SHISA5: variants seen among roughly 807,000 people sequenced by gnomAD.
SHISA5 encodes the protein protein shisa-5.
A neutral mutation model predicts 27.5 loss-of-function variants in SHISA5; 21 were observed. The observed-to-expected ratio is 0.76, with a 90% CI of 0.54 to 1.10. The LOEUF is 1.10. Among genes scored for constraint, SHISA5 ranks in the 50% least tolerant of loss-of-function variants. SHISA5 has a pLI of 0.00. For synonymous variants in SHISA5, 137 were observed against 142.2 expected, an observed-to-expected ratio of 0.96 and a Z score of 0.26; for missense variants, 314 against 336.3, an observed-to-expected ratio of 0.93 and a Z score of 0.52.
At chr3:48,498,846 C>T (rs111563572) in intron 2 of SHISA5, among the ~76,000 whole-genome samples, 2 of 151,942 alleles carry the variant, frequency 1.3e-5, no homozygotes, top group African/African-American at 4.8e-5. Flanking sequence ...CTTTGGGAGG[C>T]CGAGGCAGGA....
intron 2 of SHISA5, among the ~76,000 whole-genome samples, chr3:48,479,836 C>T (rs1575313491): frequency 6.6e-6 from 1 of 152,092 alleles, no homozygotes; most frequent in East Asian, 1.9e-4. Context: ...CGTGATCTGC[C>T]CGCCTTGGCC....
intron 3 of SHISA5, among the ~76,000 whole-genome samples, chr3:48,478,010 G>A (rs1403259825): frequency 6.6e-6 from 1 of 152,114 alleles, no homozygotes; most frequent in Non-Finnish European, 1.5e-5. Context: ...ACTCCATTCG[G>A]TCCCCAGCGC....
Position 48,469,780 on chromosome 3 carries a change from G to C in SHISA5, c.378C>G (p.Ile126Met). Residue 126 changes from isoleucine (I) to methionine (M), a missense_variant, in exon 4 of 6, where the codon ATC becomes ATG. By Grantham distance (10) the Ile-to-Met change is conservative. Coordinates refer to ENST00000296444, the MANE Select transcript of SHISA5 (RefSeq NM_016479.6). This position sits in a 1 kb window ranked among gnomAD's most constrained non-coding sequence, Gnocchi z 4.6. The part of the protein sequence containing the change: ...IFVLSVVTII[I>M]CFTCSCCCLY... ...GGCAGCAGCAGGAGCAGGTGAAGCAGATGATGATAGTGACGACAGACAGCA... is the reference window on the plus strand; with the variant it reads ...GGCAGCAGCAGGAGCAGGTGAAGCACATGATGATAGTGACGACAGACAGCA... 1 of 1,614,136 alleles carries C rather than the reference G, an allele frequency of 6.2e-7. No homozygotes were observed. The highest frequency in any genetic ancestry group is 2.2e-5 in the East Asian group (1 of 44,882).
intron 2 of SHISA5, among the ~76,000 whole-genome samples, chr3:48,483,042 G>A (rs972644714): frequency 2.0e-5 from 3 of 151,582 alleles, no homozygotes; most frequent in East Asian, 1.9e-4. Context: ...CTCCCACCTC[G>A]GCCTCCCAAG....
At chr3:48,474,435 C>T (rs1575307437) in intron 3 of SHISA5, among the ~76,000 whole-genome samples, 1 of 151,772 alleles carries the variant, frequency 6.6e-6, no homozygotes, top group Admixed American at 6.6e-5. Flanking sequence ...TCCCCGGGTT[C>T]AAGTGATTCT....
At chr3:48,480,028 C>T (rs747189783) in intron 2 of SHISA5, among the ~76,000 whole-genome samples, 1 of 152,044 alleles carries the variant, frequency 6.6e-6, no homozygotes, top group East Asian at 1.9e-4. Flanking sequence ...CTCAGCCTCC[C>T]GAGTAGCTGG....
In SHISA5 at chr3:48,473,201, C is replaced by T. The variant is rs1157361884; in HGVS notation, c.315-3358G>A. On this transcript the variant is annotated intron_variant, in intron 3 of 5. Transcript: ENST00000296444. This position sits in a 1 kb window ranked among gnomAD's most constrained non-coding sequence, Gnocchi z 4.3. ...CCACCCTCTTAAAGACACAGGATGGCCCCGCCCAGCAGCCGGCTAGCAGCC... is the reference window on the plus strand; with the variant it reads ...CCACCCTCTTAAAGACACAGGATGGTCCCGCCCAGCAGCCGGCTAGCAGCC... 7.0e-7 allele frequency: 1 copy of T among 1,429,126 alleles called. No homozygotes were observed. Among genetic ancestry groups the T allele is most frequent in the Middle Eastern group, 2.4e-4 (1 of 4,132 alleles). The allele number at this position is 1,429,126 out of a possible 1,614,324, so 88.5% of individuals were successfully genotyped here.
chr3:48,476,359 A>G (rs2040826174), intron 3 of SHISA5, among the ~76,000 whole-genome samples: 1 of 151,694 alleles, frequency 6.6e-6, no homozygotes, highest in Non-Finnish European at 1.5e-5. Context: ...AAAAAAAAAA[A>G]AAGTAGCCCA....
chr3:48,479,293 G>A (rs1404404726), intron 2 of SHISA5, 36 bp from the exon 3 acceptor site: 2 of 1,568,924 alleles, frequency 1.3e-6, no homozygotes, highest in Non-Finnish European at 1.7e-6. Context: ...GCACAATGAA[G>A]CCCCACCGAG....
chr3:48,500,482 G>T (rs746835181), intron 2 of SHISA5, among the ~76,000 whole-genome samples: 47 of 152,096 alleles, frequency 3.1e-4, no homozygotes, highest in Non-Finnish European at 5.7e-4. Context: ...AAGATAGCGG[G>T]GGTTGGTCTT....
chr3:48,482,755 C>A (rs1001218407), intron 2 of SHISA5, among the ~76,000 whole-genome samples: 2 of 151,998 alleles, frequency 1.3e-5, no homozygotes, highest in Non-Finnish European at 1.5e-5. Context: ...CCTGCCTCAG[C>A]CTCCTGAGTA....
rs750947628 is a variant in SHISA5, at chr3:48,501,240, A to G, written c.130T>C (p.Cys44Arg). 6.2e-7 allele frequency: 1 copy of G among 1,614,178 alleles called. No homozygotes were observed. Among genetic ancestry groups the G allele is most frequent in the South Asian group, 1.1e-5 (1 of 91,084 alleles). The part of the protein sequence containing the change: ...SRGLSLFPES[C>R]PDFCCGTCDD... ...CAGGTACCACAGCAGAAATCTGGAC[A>G]GGACTCGGGGAAGAGGCTGAGTCCA... Residue 44 changes from cysteine to arginine, a missense_variant, in exon 2 of 6, where the codon TGT becomes CGT. Coordinates refer to ENST00000296444, the MANE Select transcript of SHISA5 (RefSeq NM_016479.6).
In SHISA5 at chr3:48,487,912, C is replaced by A. The variant is rs149977972; in HGVS notation, c.234-8655G>T. 3.6e-3 allele frequency among the ~76,000 whole-genome samples: 547 copies of A among 152,134 alleles called. 3 individuals carry two copies. Among genetic ancestry groups the A allele is most frequent in the African/African-American group, 0.013 (520 of 41,518 alleles). On this transcript the variant is annotated intron_variant, in intron 2 of 5. Coordinates refer to ENST00000296444, the MANE Select transcript of SHISA5 (RefSeq NM_016479.6). ...CTCCGTCTCAAAAAACCAAACCAAA[C>A]CAAAACAAAACAAAACAAAAGAAGT...
intron 1 of SHISA5, among the ~76,000 whole-genome samples, chr3:48,501,860 CTTTTTTTTT>C (rs35527637): frequency 7.5e-6 from 1 of 133,094 alleles, no homozygotes; most frequent in Admixed American, 7.6e-5. Context: ...CCCTTTCTTT[CTTTTTTTTT>C]TTTTTTTTTG....
chr3:48,481,604 C>T (rs561782436), intron 2 of SHISA5, among the ~76,000 whole-genome samples: 2 of 151,206 alleles, frequency 1.3e-5, no homozygotes, highest in East Asian at 2.0e-4. Flanking sequence ...GCCTGGCCAA[C>T]GTGGCGAAAC....
chr3:48,487,621 G>A (rs1185038710), intron 2 of SHISA5, among the ~76,000 whole-genome samples: 9 of 152,138 alleles, frequency 5.9e-5, no homozygotes, highest in Non-Finnish European at 8.8e-5. Flanking sequence ...CCAGCTGGGC[G>A]CAGTGGCTCA....
At position 48,468,958 on chromosome 3, in the gene SHISA5, T is replaced by A; in HGVS notation, c.*149A>T. The A allele has an allele frequency of 6.3e-7, 1 of 1,578,018 alleles. No homozygotes were observed. Among genetic ancestry groups the A allele is most frequent in the South Asian group, 1.1e-5 (1 of 88,546 alleles). On this transcript the variant is annotated 3_prime_UTR_variant, in exon 6 of 6. Transcript: ENST00000296444. ...TGTCAGCATCAGAGGAAGCCACATA[T>A]ACAGGCAGGACACACACAGCACACA... is the stretch of plus-strand genomic sequence containing the variant.
intron 1 of SHISA5, among the ~76,000 whole-genome samples, chr3:48,501,571 G>A (rs1301209283): frequency 1.3e-5 from 2 of 152,176 alleles, no homozygotes; most frequent in Non-Finnish European, 2.9e-5. Flanking sequence ...CTCAATGTGA[G>A]TCTGATGGGG....
rs2040442618 is a variant in SHISA5 at position 48,468,508 on chromosome 3, A to G, written c.*599T>C. On this transcript the variant is annotated 3_prime_UTR_variant, in exon 6 of 6. Transcript: ENST00000296444. ...GCATCAGGAGGCTGCCTGATCCCCA[A>G]CAGGCATGACAGGCTCCAGGGAGCA... The G allele has an allele frequency of 5.9e-6, 7 of 1,183,738 alleles. No homozygotes were observed. Among genetic ancestry groups the G allele is most frequent in the Non-Finnish European group, 7.4e-6 (7 of 940,598 alleles). The allele number at this position is 1,183,738 out of a possible 1,614,324, so 73.3% of individuals were successfully genotyped here. A position where few individuals can be genotyped will look rare whatever the true frequency, so the allele number is the denominator to read the frequency against.
Sources: allele counts gnomAD v4.1 joint callset (sites outside exome capture counted in the v4.1 genomes callset), GRCh38; gene constraint gnomAD v4.1.1; non-coding constraint Gnocchi (gnomAD v3.1); transcripts MANE v1.5; gene names NCBI Gene and HGNC (gene_info 2026-07-23, HGNC 2026-07-21).